ZC3H14: variants seen among roughly 807,000 people sequenced by gnomAD.
ZC3H14 encodes the protein zinc finger CCCH domain-containing protein 14.
A neutral mutation model predicts 92.4 loss-of-function variants in ZC3H14; 31 were observed. That is an observed-to-expected ratio of 0.34 (90% CI 0.25 to 0.45). The LOEUF (loss-of-function observed/expected upper bound fraction) is 0.45, where lower values mean the gene tolerates loss of function less well. Among genes scored for constraint, ZC3H14 ranks in the 20% least tolerant of loss-of-function variants. The pLI, the probability that ZC3H14 is intolerant of heterozygous loss-of-function variation, is 1.00. For missense variants in ZC3H14, 781 were observed against 897.3 expected, an observed-to-expected ratio of 0.87 and a Z score of 1.66; for synonymous variants, 321 against 300.9, an observed-to-expected ratio of 1.07 and a Z score of -0.69.
Position 88,618,281 on chromosome 14 carries a change from T to C in ZC3H14, c.*6530T>C. The C allele has an allele frequency of 1.9e-6, 3 of 1,613,792 alleles. No homozygotes were observed. Among genetic ancestry groups the C allele is most frequent in the Non-Finnish European group, 2.5e-6 (3 of 1,179,844 alleles). ...CAATAGCGGCATGATCCATAAGATG[T>C]TTTCCTGAAGGCACTTCATAGACAT... On this transcript the variant is annotated 3_prime_UTR_variant, in exon 17 of 17. Transcript: ENST00000251038.
intron 2 of ZC3H14, among the ~76,000 whole-genome samples, chr14:88,567,124 A>ATTTTTTTTT (rs1555395154): frequency 1.4e-5 from 2 of 145,236 alleles, no homozygotes; most frequent in Non-Finnish European, 3.0e-5. Context: ...TTATTTATTT[A>ATTTTTTTTT]TTTTTTTTTG....
At chr14:88,576,129 T>C (rs886339543) in intron 8 of ZC3H14, among the ~76,000 whole-genome samples, 189 bp downstream of exon 8, 5 of 152,236 alleles carry the variant, frequency 3.3e-5, no homozygotes, top group South Asian at 2.1e-4. Flanking sequence ...CCAACTGTTA[T>C]TGGACTGTAG....
At chr14:88,595,056 A>G (rs2083625501) in intron 9 of ZC3H14, 1 of 1,613,430 alleles carries the variant, frequency 6.2e-7, no homozygotes. Flanking sequence ...ATACTGAATC[A>G]CAGTCAAGAA....
chr14:88,602,082 C>A lies in ZC3H14; in HGVS notation c.1513C>A (p.Arg505=), dbSNP rs767228477. 3.1e-6 allele frequency: 5 copies of A among 1,613,808 alleles called. No individual in the cohort carries two copies. The highest frequency in any genetic ancestry group is 3.4e-6 in the Non-Finnish European group (4 of 1,179,772). ...ACTTTCAGGACACCTTATGCAGACA[C>A]GGTAGATGGTTTCTTTTTCTTGTGT... is the stretch of plus-strand genomic sequence containing the variant. The part of the protein sequence containing the change: ...RVLSGHLMQT[R]DLVQPDKPAS... Residue 505 remains arginine, a splice_region_variant and synonymous_variant, in exon 11 of 17, where the codon CGA becomes AGA. Coordinates refer to ENST00000251038, the MANE Select transcript of ZC3H14 (RefSeq NM_024824.5).
Position 88,620,568 on chromosome 14 carries a change from TG to T in ZC3H14, c.*8820del. 4.2e-6 allele frequency: 2 copies of T among 470,858 alleles called. No individual in the cohort carries two copies. The allele number at this position is 470,858 out of a possible 1,614,324, so 29.2% of individuals were successfully genotyped here. A position where few individuals can be genotyped will look rare whatever the true frequency, so the allele number is the denominator to read the frequency against. ...ACTTGCTATTATAGTTGGTGCCCAGTGGGTTTATAATTTAGCAAGAAGAATT... is the reference window on the plus strand; with the variant it reads ...ACTTGCTATTATAGTTGGTGCCCAGTGGTTTATAATTTAGCAAGAAGAATT... On this transcript the variant is annotated 3_prime_UTR_variant, in exon 17 of 17. Transcript: ENST00000251038. This position sits in a 1 kb window ranked among gnomAD's most constrained non-coding sequence, Gnocchi z 4.3.
At chr14:88,565,140 G>GTTA (rs559549991) in intron 2 of ZC3H14, among the ~76,000 whole-genome samples, 2 of 152,082 alleles carry the variant, frequency 1.3e-5, no homozygotes, top group African/African-American at 4.8e-5. Flanking sequence ...AAAAAAATTT[G>GTTA]TTATTATTAT....
Position 88,571,143 on chromosome 14 carries a change from T to TG in ZC3H14, c.235+19_235+20insG. 1 of 1,576,864 alleles carries TG rather than the reference T, an allele frequency of 6.3e-7. No homozygotes were observed. Among genetic ancestry groups the TG allele is most frequent in the South Asian group, 1.2e-5 (1 of 85,218 alleles). On this transcript the variant is annotated intron_variant, in intron 4 of 16. Coordinates refer to ENST00000251038, the MANE Select transcript of ZC3H14 (RefSeq NM_024824.5). ...ACAACTGGTAAGATTCATAACTTTT[T>TG]TTTTTAATTTCTGCTTGCTATGGCA...
In ZC3H14 at chr14:88,564,488, A is replaced by G. The variant is rs541066281; in HGVS notation, c.79+795A>G. 8.5e-5 allele frequency among the ~76,000 whole-genome samples: 13 copies of G among 152,350 alleles called. No individual in the cohort carries two copies. The South Asian group carries it at 2.7e-3, about 32-fold the overall frequency. On this transcript the variant is annotated intron_variant, in intron 2 of 16. Coordinates refer to ENST00000251038, the MANE Select transcript of ZC3H14 (RefSeq NM_024824.5). Reference sequence around the variant, plus strand: ...CCCAAAGCTGGTGCCTCCTATAAAAATAATAGCTACCACTAATGACAGTGG... The same window carrying G: ...CCCAAAGCTGGTGCCTCCTATAAAAGTAATAGCTACCACTAATGACAGTGG...
chr14:88,618,127 A>G lies in ZC3H14; in HGVS notation c.*6376A>G, dbSNP rs1478036878. On this transcript the variant is annotated 3_prime_UTR_variant, in exon 17 of 17. Coordinates refer to ENST00000251038, the MANE Select transcript of ZC3H14 (RefSeq NM_024824.5). ...ATATGGTAACAAAAACTTGAAACTCAATTACTATTCCTTATTGGAATGGCT... is the reference window on the plus strand; with the variant it reads ...ATATGGTAACAAAAACTTGAAACTCGATTACTATTCCTTATTGGAATGGCT... The G allele has an allele frequency of 2.2e-6, 2 of 904,292 alleles. No homozygotes were observed. Among genetic ancestry groups the G allele is most frequent in the Non-Finnish European group, 3.3e-6 (2 of 601,188 alleles). The allele number at this position is 904,292 out of a possible 1,614,324, so 56.0% of individuals were successfully genotyped here. A position where few individuals can be genotyped will look rare whatever the true frequency, so the allele number is the denominator to read the frequency against.
At chr14:88,564,378 C>G (rs2079291215) in intron 2 of ZC3H14, among the ~76,000 whole-genome samples, 1 of 152,154 alleles carries the variant, frequency 6.6e-6, no homozygotes, top group African/African-American at 2.4e-5. Flanking sequence ...CTACGAGAAT[C>G]CTGGAAGGTA....
At chr14:88,563,321 C>T (rs1280050230) in intron 1 of ZC3H14, 152 bp downstream of exon 1, 7 of 1,513,064 alleles carry the variant, frequency 4.6e-6, no homozygotes, top group South Asian at 1.3e-5. Flanking sequence ...TCCAGGCCGC[C>T]TCGGCCCTGG....
chr14:88,615,794 T>C lies in ZC3H14; in HGVS notation c.*4043T>C. 1 of 1,607,116 alleles carries C rather than the reference T, an allele frequency of 6.2e-7. No homozygotes were observed. The highest frequency in any genetic ancestry group is 1.1e-5 in the South Asian group (1 of 89,020). Reference sequence around the variant, plus strand: ...TCTGTAATTCTGGTCTCAAAGTTAATTTCTGTAGTCATCTCAGCATCTCTC... The same window carrying C: ...TCTGTAATTCTGGTCTCAAAGTTAACTTCTGTAGTCATCTCAGCATCTCTC... On this transcript the variant is annotated 3_prime_UTR_variant, in exon 17 of 17. Transcript: ENST00000251038.
chr14:88,616,969 T>C lies in ZC3H14; in HGVS notation c.*5218T>C. On this transcript the variant is annotated 3_prime_UTR_variant, in exon 17 of 17. Transcript: ENST00000251038. Reference sequence around the variant, plus strand: ...AGTTTCTTGGCAATTAATCTCTAAGTACCCTATCATGTTACTTAAAATACA... The same window carrying C: ...AGTTTCTTGGCAATTAATCTCTAAGCACCCTATCATGTTACTTAAAATACA... 8.2e-7 allele frequency: 1 copy of C among 1,215,454 alleles called. No homozygotes were observed. The highest frequency in any genetic ancestry group is 1.2e-6 in the Non-Finnish European group (1 of 857,698). 75.3% of individuals were successfully genotyped at this position (1,215,454 alleles called of 1,614,324 possible).
chr14:88,581,296 C>A (rs765526904), intron 9 of ZC3H14, among the ~76,000 whole-genome samples: 1 of 152,074 alleles, frequency 6.6e-6, no homozygotes, highest in African/African-American at 2.4e-5. Flanking sequence ...CAGTTGCTCA[C>A]GCCTGTAATC....
At position 88,618,354 on chromosome 14, in the gene ZC3H14, G is replaced by C; in HGVS notation, c.*6603G>C. On this transcript the variant is annotated 3_prime_UTR_variant, in exon 17 of 17. Coordinates refer to ENST00000251038, the MANE Select transcript of ZC3H14 (RefSeq NM_024824.5). ...GACCTTTTTCATCAGATTAAAATGG[G>C]ACAAGAATTCCATTAGGTGAGAGAC... The C allele has an allele frequency of 2.5e-6, 4 of 1,598,006 alleles. No homozygotes were observed. In the South Asian group the frequency reaches 4.4e-5, roughly 18 times the overall value.
At position 88,612,078 on chromosome 14, in the gene ZC3H14, ACTG is replaced by A; in HGVS notation, c.*329_*331del. 2.8e-6 allele frequency: 1 copy of A among 358,180 alleles called. No homozygotes were observed. Among genetic ancestry groups the A allele is most frequent in the South Asian group, 3.6e-5 (1 of 27,766 alleles). The allele number at this position is 358,180 out of a possible 1,614,324, so 22.2% of individuals were successfully genotyped here. The stretch of plus-strand genomic sequence containing the variant: ...AATTGACATCATGGTTAGTCATGGT[ACTG>A]CAGCTTAGGGGGCTACACGGTTGCT... On this transcript the variant is annotated 3_prime_UTR_variant, in exon 17 of 17. Coordinates refer to ENST00000251038, the MANE Select transcript of ZC3H14 (RefSeq NM_024824.5).
chr14:88,572,961 C>T lies in ZC3H14; in HGVS notation c.815C>T (p.Thr272Met), dbSNP rs761566277. The T allele has an allele frequency of 9.9e-6, 16 of 1,613,938 alleles. No individual in the cohort carries two copies. Among genetic ancestry groups the T allele is most frequent in the East Asian group, 8.9e-5 (4 of 44,896 alleles). Residue 272 changes from threonine to methionine, a missense_variant, in exon 6 of 17, where the codon ACG becomes ATG. By Grantham distance (81) the Thr-to-Met change is moderately conservative. Around this residue, in one of 3 missense-constraint regions of ZC3H14, gnomAD observed 454 missense variants for 438.5 expected, o/e 1.04. Transcript: ENST00000251038. ...EPEVLNSLEE[T>M]YSPFFRNNSE... Reference sequence around the variant, plus strand: ...GAGGTGCTTAACAGCTTAGAAGAAACGTATAGTCCGTTCTTTAGAAACAAC... The same window carrying T: ...GAGGTGCTTAACAGCTTAGAAGAAATGTATAGTCCGTTCTTTAGAAACAAC...
At chr14:88,563,483 C>T (rs1419764049) in intron 1 of ZC3H14, 168 bp from the exon 2 acceptor site, 1 of 1,504,218 alleles carries the variant, frequency 6.6e-7, no homozygotes, top group Non-Finnish European at 8.8e-7. Context: ...GGGGCTGGAG[C>T]TGGAGTGGGG....
In ZC3H14 at chr14:88,626,808, G is replaced by A. The variant is rs760447346; in HGVS notation, c.*15057G>A. 11 of 1,608,940 alleles carry A rather than the reference G, an allele frequency of 6.8e-6. No homozygotes were observed. Among genetic ancestry groups the A allele is most frequent in the Non-Finnish European group, 9.3e-6 (11 of 1,176,978 alleles). On this transcript the variant is annotated 3_prime_UTR_variant, in exon 17 of 17. Transcript: ENST00000251038. ...GGCAAGAGAATGTAAAGTAGTCAAA[G>A]TCACACTATGTGCATTTTAAGAGAC...
Sources: gnomAD v4.1 joint callset for allele counts (sites outside exome capture counted in the v4.1 genomes callset) on GRCh38, gnomAD v4.1.1 for gene constraint, gnomAD v4.1.1 regional missense constraint, Gnocchi (gnomAD v3.1) non-coding constraint, MANE v1.5 for transcripts, NCBI Gene and HGNC (gene_info 2026-07-23, HGNC 2026-07-21) for gene names.